RBM34: variants seen among roughly 807,000 people sequenced by gnomAD.
The protein encoded by RBM34 is RNA-binding protein 34.
Under a neutral mutation model 44.6 loss-of-function variants are expected in RBM34, and 39 were observed. The observed-to-expected ratio is 0.87, with a 90% CI of 0.68 to 1.14. RBM34 has a LOEUF of 1.14. Among genes scored for constraint, RBM34 ranks in the 50% most tolerant of loss-of-function variants. The pLI, the probability that RBM34 is intolerant of heterozygous loss-of-function variation, is 0.00. For synonymous variants in RBM34, 194 were observed against 184.0 expected, an observed-to-expected ratio of 1.05 and a Z score of -0.44; for missense variants, 572 against 517.9, an observed-to-expected ratio of 1.10 and a Z score of -1.01.
chr1:235,136,315 C>T (rs559437798), intron 8 of RBM34, among the ~76,000 whole-genome samples: 10 of 152,246 alleles, frequency 6.6e-5, no homozygotes, highest in East Asian at 1.9e-4. Context: ...GGATCAGGAA[C>T]GGACTGCTAT....
Position 235,161,246 on chromosome 1 carries a change from A to T in RBM34, c.-20T>A. On this transcript the variant is annotated 5_prime_UTR_variant, in exon 1 of 11. Coordinates refer to ENST00000408888, the MANE Select transcript of RBM34 (RefSeq NM_015014.4). ...GGCCATTCTTACTCCAAAGACTCCC[A>T]GACTGCAGCTGCGCGCCAGCTCGCA... 1.2e-6 allele frequency: 2 copies of T among 1,613,300 alleles called. No homozygotes were observed. Among genetic ancestry groups the T allele is most frequent in the Non-Finnish European group, 1.7e-6 (2 of 1,179,778 alleles).
chr1:235,155,763 C>G (rs546605836), intron 3 of RBM34, among the ~76,000 whole-genome samples: 120 of 138,424 alleles, frequency 8.7e-4, no homozygotes, highest in Non-Finnish European at 1.5e-3. Flanking sequence ...CCTTGGCCTC[C>G]CAAAGTGCTG....
At position 235,152,763 on chromosome 1, in the gene RBM34, C is replaced by A; in HGVS notation, c.600G>T (p.Lys200Asn). 1 of 1,570,468 alleles carries A rather than the reference C, an allele frequency of 6.4e-7. No individual in the cohort carries two copies. Reference sequence around the variant, plus strand: ...CATACTCTTTAAAAAACGACTTCAGCTTCTAAAATTAAAAAAAAAAATACA... The same window carrying A: ...CATACTCTTTAAAAAACGACTTCAGATTCTAAAATTAAAAAAAAAAATACA... ...GNLPVTCNKK[K>N]LKSFFKEYGQ... The change falls in exon 5 of 11, where the codon AAG (lysine) becomes AAT (asparagine). Residue 200 changes from lysine (K) to asparagine (N), a missense_variant and splice_region_variant. Coordinates refer to ENST00000408888, the MANE Select transcript of RBM34 (RefSeq NM_015014.4).
intron 4 of RBM34, among the ~76,000 whole-genome samples, chr1:235,153,425 CTTTT>C (rs1189611806): frequency 7.0e-6 from 1 of 142,794 alleles, no homozygotes; most frequent in Admixed American, 7.0e-5. Context: ...CAGGAATAAA[CTTTT>C]TTTTTTTTTT....
chr1:235,134,744 G>GGT (rs1438952408), intron 10 of RBM34, among the ~76,000 whole-genome samples: 8 of 140,926 alleles, frequency 5.7e-5, no homozygotes, highest in Admixed American at 2.8e-4. Flanking sequence ...CTCGTTTTCG[G>GGT]GTTTTTTTTT....
At chr1:235,135,547 A>AT in intron 10 of RBM34, 105 bp downstream of exon 10, 1 of 1,030,088 alleles carries the variant, frequency 9.7e-7, no homozygotes, top group Non-Finnish European at 1.5e-6. Context: ...TTAAGATGGA[A>AT]TTTGAGAATG....
At position 235,136,107 on chromosome 1, in the gene RBM34, A is replaced by C; in HGVS notation, c.850-34T>G. 2.6e-6 allele frequency: 4 copies of C among 1,556,184 alleles called. No homozygotes were observed. In the South Asian group the frequency reaches 3.5e-5, roughly 13 times the overall value. On this transcript the variant is annotated intron_variant, in intron 8 of 10. Transcript: ENST00000408888. ...AAAAGACAGTTAATAAAAATCACTC[A>C]CTAGACCAGAAAATGGAAGTCATCG...
rs1661738844 is a variant in RBM34, at chr1:235,142,726, G to A, written c.702-4552C>T. 4.7e-5 allele frequency among the ~76,000 whole-genome samples: 7 copies of A among 148,622 alleles called. 1 individual carries two copies. In the South Asian group the frequency reaches 1.6e-3, roughly 33 times the overall value. On this transcript the variant is annotated intron_variant, in intron 6 of 10. Coordinates refer to ENST00000408888, the MANE Select transcript of RBM34 (RefSeq NM_015014.4). ...GTGGATCATCTGAGGTCAGGAGTTCGAAACCAGCCTGGCCAACATGGTGAA... is the reference window on the plus strand; with the variant it reads ...GTGGATCATCTGAGGTCAGGAGTTCAAAACCAGCCTGGCCAACATGGTGAA...
At chr1:235,134,319 C>T (rs1294242054) in intron 10 of RBM34, among the ~76,000 whole-genome samples, 1 of 152,074 alleles carries the variant, frequency 6.6e-6, no homozygotes, top group Non-Finnish European at 1.5e-5. Flanking sequence ...CCACCGCACC[C>T]AGCCTTACTT....
Position 235,131,930 on chromosome 1 carries a change from A to T in RBM34, c.1076T>A (p.Val359Asp). The T allele has an allele frequency of 6.2e-7, 1 of 1,612,486 alleles. No individual in the cohort carries two copies. The highest frequency in any genetic ancestry group is 1.1e-5 in the South Asian group (1 of 90,908). ...TTTTTCTTTATTAACAGAACGCATGACTCTGAGTTTTCTCCCCATGAGTTC... is the reference window on the plus strand; with the variant it reads ...TTTTTCTTTATTAACAGAACGCATGTCTCTGAGTTTTCTCCCCATGAGTTC... ...NSELMGRKLR[V>D]MRSVNKEKFK... Residue 359 changes from valine (V) to aspartate (D), a missense_variant, in exon 11 of 11, where the codon GTC (valine) becomes GAC (aspartate). By Grantham distance (152) the Val-to-Asp change is radical. Coordinates refer to ENST00000408888, the MANE Select transcript of RBM34 (RefSeq NM_015014.4).
chr1:235,155,842 T>TATATATATATATAC (rs1662402137), intron 3 of RBM34, among the ~76,000 whole-genome samples: 1 of 26,314 alleles, frequency 3.8e-5, no homozygotes, highest in African/African-American at 1.8e-4. Context: ...TATATATATA[T>TATATATATATATAC]ATATATATAT....
intron 5 of RBM34, among the ~76,000 whole-genome samples, chr1:235,150,548 A>C (rs1378744845): frequency 6.6e-6 from 1 of 152,184 alleles, no homozygotes; most frequent in African/African-American, 2.4e-5. Context: ...TACTTTAAGG[A>C]AGGATTCCAG....
intron 6 of RBM34, among the ~76,000 whole-genome samples, chr1:235,142,981 C>G (rs1479290787): frequency 6.9e-6 from 1 of 145,328 alleles, no homozygotes; most frequent in Admixed American, 6.8e-5. Context: ...CAAACTGGAG[C>G]AAAATATCTG....
At chr1:235,155,822 C>CATACATAT (rs1662387175) in intron 3 of RBM34, among the ~76,000 whole-genome samples, 1 of 64,180 alleles carries the variant, frequency 1.6e-5, no homozygotes. Flanking sequence ...CATACATATA[C>CATACATAT]ATATATATAT....
rs752816847 is a variant in RBM34 at position 235,135,649 on chromosome 1, T to A, written c.1008+3A>T. On this transcript the variant is annotated splice_donor_region_variant and intron_variant, in intron 10 of 10. Transcript: ENST00000408888. ...ACAGTGACAATGCATTAGTCTCCCA[T>A]ACCTCAAAGAGCACATAGCCAAACC... 1.2e-6 allele frequency: 2 copies of A among 1,609,626 alleles called. No homozygotes were observed. Among genetic ancestry groups the A allele is most frequent in the Admixed American group, 1.7e-5 (1 of 60,004 alleles).
chr1:235,149,268 A>G (rs1317188371), intron 5 of RBM34, among the ~76,000 whole-genome samples: 1 of 151,726 alleles, frequency 6.6e-6, no homozygotes, highest in Non-Finnish European at 1.5e-5. Flanking sequence ...GGGCGCCTGT[A>G]GTCCCAGCTA....
intron 6 of RBM34, among the ~76,000 whole-genome samples, chr1:235,145,658 C>T (rs900954831): frequency 6.6e-6 from 1 of 152,200 alleles, no homozygotes; most frequent in Non-Finnish European, 1.5e-5. Context: ...CTCTACGAGA[C>T]AGCAGTCAAA....
At chr1:235,135,192 G>A (rs1330596470) in intron 10 of RBM34, among the ~76,000 whole-genome samples, 1 of 141,070 alleles carries the variant, frequency 7.1e-6, no homozygotes, top group African/African-American at 2.7e-5. Context: ...TTACAGGTAT[G>A]AGCCACCACA....
At chr1:235,158,143 G>A (rs532850102) in intron 3 of RBM34, among the ~76,000 whole-genome samples, 77 of 152,154 alleles carry the variant, frequency 5.1e-4, no homozygotes, top group Admixed American at 8.5e-4. Context: ...GGCCAGGCGC[G>A]GTGGCTCACG....
Sources: gnomAD v4.1 joint callset for allele counts (sites outside exome capture counted in the v4.1 genomes callset) on GRCh38, gnomAD v4.1.1 for gene constraint, MANE v1.5 for transcripts, NCBI Gene and HGNC (gene_info 2026-07-23, HGNC 2026-07-21) for gene names.